Variants in CACNA1A observed in about 807,000 individuals in gnomAD.
The protein encoded by CACNA1A is calcium voltage-gated channel subunit alpha1 A.
A neutral mutation model predicts 262.4 loss-of-function variants in CACNA1A; 57 were observed. The observed-to-expected ratio is 0.22, with a 90% confidence interval of 0.18 to 0.27. CACNA1A has a LOEUF of 0.27. Among genes scored for constraint, CACNA1A ranks in the 10% least tolerant of loss-of-function variants. CACNA1A has a pLI of 1.00. For missense variants in CACNA1A, 2,526 were observed against 3,562.8 expected, an observed-to-expected ratio of 0.71 and a Z score of 7.41; for synonymous variants, 1,431 against 1,419.3, an observed-to-expected ratio of 1.01 and a Z score of -0.18.
intron 30 of CACNA1A, among the ~76,000 whole-genome samples, chr19:13,248,765 C>T (rs1410623453): frequency 6.6e-6 from 1 of 151,750 alleles, no homozygotes; most frequent in Non-Finnish European, 1.5e-5. Flanking sequence ...ATTGCTTGAA[C>T]CCGGGAAGCA....
chr19:13,403,489 TA>T (rs2059946163), intron 3 of CACNA1A, among the ~76,000 whole-genome samples: 2 of 152,160 alleles, frequency 1.3e-5, no homozygotes, highest in African/African-American at 4.8e-5. Flanking sequence ...CTGCTTTGTC[TA>T]GGCCCACAAC....
rs71168702 is a variant in CACNA1A at position 13,367,294 on chromosome 19, CAAAAAA to C, written c.632-1831_632-1826del. ...TGGGTGACAGAGCAAGACTCTGTCT[CAAAAAA>C]AAAAAAAAAAAAAAAAAAAGGCAGA... is the stretch of plus-strand genomic sequence containing the variant. On this transcript the variant is annotated intron_variant, in intron 4 of 46. Coordinates refer to ENST00000360228, the MANE Select transcript of CACNA1A (RefSeq NM_001127222.2). Among the ~76,000 whole-genome samples the C allele has an allele frequency of 2.0e-3, 130 of 64,750 alleles. No individual in the cohort carries two copies. In the Middle Eastern group the frequency reaches 0.026, roughly 13 times the overall value. 42.5% of individuals were successfully genotyped at this position (64,750 alleles called of 152,430 possible). A position where few individuals can be genotyped will look rare whatever the true frequency, so the allele number is the denominator to read the frequency against.
chr19:13,482,373 C>T (rs1437198856), intron 1 of CACNA1A, among the ~76,000 whole-genome samples: 1 of 151,794 alleles, frequency 6.6e-6, no homozygotes, highest in Non-Finnish European at 1.5e-5. Context: ...GTCCCAGCTA[C>T]TCGGGAGGCT....
chr19:13,283,147 A>G, intron 22 of CACNA1A, 120 bp downstream of exon 22: 5 of 1,192,008 alleles, frequency 4.2e-6, no homozygotes, highest in Non-Finnish European at 4.7e-6. Flanking sequence ...AGCAGCCATA[A>G]GGGCTATGCC....
chr19:13,488,001 A>G (rs1003918772), intron 1 of CACNA1A, among the ~76,000 whole-genome samples: 1 of 151,838 alleles, frequency 6.6e-6, no homozygotes, highest in African/African-American at 2.4e-5. Flanking sequence ...GCTGGTCTCA[A>G]ACTCCTGGCT....
At chr19:13,447,059 A>C (rs2060829602) in intron 3 of CACNA1A, among the ~76,000 whole-genome samples, 1 of 152,236 alleles carries the variant, frequency 6.6e-6, no homozygotes, top group Non-Finnish European at 1.5e-5. Context: ...TAAGAGCAAG[A>C]AAAGCAAGTG....
At chr19:13,288,673 G>A (rs962971948) in intron 19 of CACNA1A, among the ~76,000 whole-genome samples, 2 of 152,078 alleles carry the variant, frequency 1.3e-5, no homozygotes, top group South Asian at 2.1e-4. Context: ...CCTGCCTCTT[G>A]CCATCTACAG....
At chr19:13,297,571 G>C (rs1181981874) in intron 19 of CACNA1A, among the ~76,000 whole-genome samples, 1 of 152,110 alleles carries the variant, frequency 6.6e-6, no homozygotes, top group African/African-American at 2.4e-5. Flanking sequence ...GCACTTTAGG[G>C]AGGCTAAGGC....
intron 4 of CACNA1A, among the ~76,000 whole-genome samples, chr19:13,370,099 AT>A (rs568795054): frequency 4.2e-4 from 62 of 148,854 alleles, no homozygotes; most frequent in South Asian, 1.9e-3. Context: ...GTGCTTTTTA[AT>A]TTTTTTTTTT....
intron 1 of CACNA1A, among the ~76,000 whole-genome samples, chr19:13,491,765 G>T (rs1043586814): frequency 3.9e-5 from 6 of 152,146 alleles, no homozygotes; most frequent in Non-Finnish European, 8.8e-5. Context: ...GAGCCCAGGC[G>T]GTTGAGGCTG....
intron 31 of CACNA1A, among the ~76,000 whole-genome samples, chr19:13,237,497 C>A (rs2055915063): frequency 1.3e-5 from 2 of 152,158 alleles, no homozygotes; most frequent in Admixed American, 1.3e-4. Context: ...TTTCTGGCTG[C>A]CAGATCTGTG....
intron 1 of CACNA1A, among the ~76,000 whole-genome samples, chr19:13,464,052 T>C (rs1030516761): frequency 1.3e-5 from 2 of 152,164 alleles, no homozygotes; most frequent in Non-Finnish European, 2.9e-5. Flanking sequence ...TCAAGGAATG[T>C]GAGTGTTTTA....
At chr19:13,440,347 G>A (rs540061953) in intron 3 of CACNA1A, among the ~76,000 whole-genome samples, 3 of 152,148 alleles carry the variant, frequency 2.0e-5, no homozygotes, top group African/African-American at 7.2e-5. Flanking sequence ...TAGTGAGGGT[G>A]GGATCCCATA....
At chr19:13,306,484 A>C (rs1251320240) in intron 15 of CACNA1A, 1 of 152,178 alleles carries the variant, frequency 6.6e-6, no homozygotes, top group Non-Finnish European at 1.5e-5. Context: ...TGGTCTCCCA[A>C]AGTGCTGAGA....
In CACNA1A at chr19:13,391,174, C is replaced by A. The variant is rs111309922; in HGVS notation, c.540-19395G>T. ...TGCTGGGATTACAGGCGTGAGCCAC[C>A]GCACCTGGCCCCAATTGCATCTTTA... On this transcript the variant is annotated intron_variant, in intron 3 of 46. Coordinates refer to ENST00000360228, the MANE Select transcript of CACNA1A (RefSeq NM_001127222.2). Among the ~76,000 whole-genome samples, 874 of 152,280 alleles carry A rather than the reference C, an allele frequency of 5.7e-3. 9 individuals carry two copies. The highest frequency in any genetic ancestry group is 0.019 in the African/African-American group (808 of 41,556).
At chr19:13,338,304 G>A (rs1235219884) in intron 6 of CACNA1A, among the ~76,000 whole-genome samples, 2 of 152,204 alleles carry the variant, frequency 1.3e-5, no homozygotes, top group African/African-American at 4.8e-5. Context: ...TGGGACCACT[G>A]TTACATATTT....
At chr19:13,250,065 T>TC (rs1186621781) in intron 30 of CACNA1A, among the ~76,000 whole-genome samples, 1 of 151,720 alleles carries the variant, frequency 6.6e-6, no homozygotes, top group Non-Finnish European at 1.5e-5. Context: ...CACCTTAATT[T>TC]TTTTTTTTTT....
intron 24 of CACNA1A, chr19:13,274,271 T>A (rs144162629): frequency 2.3e-3 from 354 of 152,296 alleles, no homozygotes; most frequent in African/African-American, 7.8e-3. Context: ...CTAACACAAC[T>A]TGACCTCATT....
At chr19:13,247,161 G>A (rs573292176) in intron 30 of CACNA1A, among the ~76,000 whole-genome samples, 1 of 152,332 alleles carries the variant, frequency 6.6e-6, no homozygotes, top group East Asian at 1.9e-4. Flanking sequence ...CAGAAGCAGA[G>A]GCCAGGTCAG....
Sources: gnomAD v4.1 joint callset for allele counts (sites outside exome capture counted in the v4.1 genomes callset) on GRCh38, gnomAD v4.1.1 for gene constraint, MANE v1.5 for transcripts, NCBI Gene and HGNC (gene_info 2026-07-23, HGNC 2026-07-21) for gene names.